The following RSPH14 variants were observed in gnomAD, a reference collection of about 807,000 sequenced individuals.
The protein encoded by RSPH14 is rhabdoid tumor deletion region gene 1.
A neutral mutation model predicts 26.7 loss-of-function variants in RSPH14; 20 were observed. The observed-to-expected ratio is 0.75, with a 90% confidence interval of 0.53 to 1.09. The LOEUF (loss-of-function observed/expected upper bound fraction) is 1.09, where lower values mean the gene tolerates loss of function less well. RSPH14 is among the 50% of genes least tolerant of loss of function. RSPH14 has a pLI of 0.00. For synonymous variants in RSPH14, 177 were observed against 189.3 expected, an observed-to-expected ratio of 0.93 and a Z score of 0.53; for missense variants, 449 against 457.2, an observed-to-expected ratio of 0.98 and a Z score of 0.16.
the RSPH14 span, among the ~76,000 whole-genome samples, chr22:23,173,381 G>A: frequency 4.8e-3 from 735 of 152,054 alleles, 5 homozygotes; most frequent in African/African-American, 0.017. Flanking sequence ...TGAGCCGCCC[G>A]CCTCGGCCTC....
rs1395338474 is a variant in RSPH14 at position 23,063,966 on chromosome 22, G to C, written c.589C>G (p.Gln197Glu). The C allele has an allele frequency of 6.2e-7, 1 of 1,614,196 alleles. No individual in the cohort carries two copies. The highest frequency in any genetic ancestry group is 1.1e-5 in the South Asian group (1 of 91,072). The part of the protein sequence containing the change: ...LGSNVVLVLK[Q>E]KLLSANQNIR... ...TTCTGGTTGGCGCTGAGGAGCTTCT[G>C]CTTCAGGACAAGCACCACATTGCTG... The change falls in exon 5 of 7, where the codon CAG becomes GAG. Residue 197 changes from glutamine (Q) to glutamate (E), a missense_variant. Coordinates refer to ENST00000216036, the MANE Select transcript of RSPH14 (RefSeq NM_014433.3).
Position 23,140,455 on chromosome 22 carries a change from C to A in RSPH14, c.-35G>T. The stretch of plus-strand genomic sequence containing the variant: ...ACTACAGAGGCCTTTCCAAATGAAG[C>A]TCTGCAGAAACCACTCACTAAAAGA... On this transcript the variant is annotated 5_prime_UTR_variant, in exon 2 of 7. Transcript: ENST00000216036. 1.9e-6 allele frequency: 3 copies of A among 1,609,386 alleles called. No individual in the cohort carries two copies. The highest frequency in any genetic ancestry group is 2.5e-6 in the Non-Finnish European group (3 of 1,177,662).
At chr22:23,110,246 A>G (rs1382850001) in intron 4 of RSPH14, among the ~76,000 whole-genome samples, 2 of 152,070 alleles carry the variant, frequency 1.3e-5, no homozygotes, top group African/African-American at 4.8e-5. Context: ...TTCCACATCT[A>G]GAATGGAAAT....
chr22:23,168,123 G>T, the RSPH14 span, among the ~76,000 whole-genome samples: 344 of 152,196 alleles, frequency 2.3e-3, 2 homozygotes, highest in Non-Finnish European at 3.3e-3. Context: ...TTCTGGCCCA[G>T]CCCTTTGCAT....
At chr22:23,174,806 TAAA>T in the RSPH14 span, among the ~76,000 whole-genome samples, 1 of 151,724 alleles carries the variant, frequency 6.6e-6, no homozygotes, top group African/African-American at 2.4e-5. Context: ...CCGTTTCTAC[TAAA>T]AATACAAAAT....
chr22:23,145,710 C>G (rs2070728502), upstream of RSPH14, among the ~76,000 whole-genome samples: 1 of 152,240 alleles, frequency 6.6e-6, no homozygotes, highest in African/African-American at 2.4e-5. Flanking sequence ...ATTTCCGGAG[C>G]GCAAACTCTG....
At chr22:23,157,600 C>A in the RSPH14 span, among the ~76,000 whole-genome samples, 2 of 152,200 alleles carry the variant, frequency 1.3e-5, no homozygotes, top group Non-Finnish European at 2.9e-5. Flanking sequence ...TTAATCCTCA[C>A]AGCAACCCTG....
At chr22:23,114,413 C>T (rs77529911) in intron 4 of RSPH14, among the ~76,000 whole-genome samples, 1,595 of 152,298 alleles carry the variant, frequency 0.01, 23 homozygotes, top group African/African-American at 0.035. Context: ...CCCAGCAATG[C>T]GGCTGCATCC....
At chr22:23,158,116 G>A in the RSPH14 span, 1 of 1,593,090 alleles carries the variant, frequency 6.3e-7, no homozygotes, top group Non-Finnish European at 8.6e-7. Flanking sequence ...CCCAGACCCT[G>A]GCCAGTGGAC....
intron 4 of RSPH14, among the ~76,000 whole-genome samples, chr22:23,076,440 C>T (rs1288067953): frequency 1.3e-5 from 2 of 152,208 alleles, no homozygotes; most frequent in African/African-American, 2.4e-5. Context: ...CGCTGCAGAA[C>T]CCCTGCTCCA....
the RSPH14 span, among the ~76,000 whole-genome samples, chr22:23,158,340 C>G: frequency 5.9e-5 from 9 of 152,218 alleles, no homozygotes; most frequent in Non-Finnish European, 1.5e-5. Flanking sequence ...GTTGCAAGTC[C>G]GGATACTTTT....
At chr22:23,066,198 A>C (rs2068208218) in intron 4 of RSPH14, among the ~76,000 whole-genome samples, 1 of 152,202 alleles carries the variant, frequency 6.6e-6, no homozygotes, top group Non-Finnish European at 1.5e-5. Flanking sequence ...GTTAATTTTC[A>C]AATCAGGGCT....
Position 23,141,846 on chromosome 22 carries a change from G to A in RSPH14, c.-53+103C>T, listed in dbSNP as rs114105083. On this transcript the variant is annotated intron_variant, in intron 1 of 6. Coordinates refer to ENST00000216036, the MANE Select transcript of RSPH14 (RefSeq NM_014433.3). The stretch of plus-strand genomic sequence containing the variant: ...TGGGAGAGTCCGGCCGGAGACAAAA[G>A]ACCGTGATTTTGAGTGTGGGGACAC... 715 of 405,926 alleles carry A rather than the reference G, an allele frequency of 1.8e-3. 7 individuals carry two copies. Among genetic ancestry groups the A allele is most frequent in the African/African-American group, 0.014 (669 of 46,224 alleles). 25.1% of individuals were successfully genotyped at this position (405,926 alleles called of 1,614,324 possible).
intron 4 of RSPH14, among the ~76,000 whole-genome samples, chr22:23,127,775 TCCCCTGAAC>T (rs1438004181): frequency 6.6e-6 from 1 of 152,138 alleles, no homozygotes; most frequent in African/African-American, 2.4e-5. Context: ...TCCAGGGATG[TCCCCTGAAC>T]CCCCAAATGA....
At chr22:23,092,600 C>T (rs1262477071) in intron 4 of RSPH14, among the ~76,000 whole-genome samples, 1 of 152,212 alleles carries the variant, frequency 6.6e-6, no homozygotes, top group Non-Finnish European at 1.5e-5. Flanking sequence ...TTTCCTTGCA[C>T]ATTGCCCTGT....
intron 4 of RSPH14, among the ~76,000 whole-genome samples, chr22:23,099,123 C>A (rs1403543963): frequency 6.6e-6 from 1 of 152,248 alleles, no homozygotes; most frequent in Non-Finnish European, 1.5e-5. Context: ...TCCCCACCCC[C>A]ACGCCTGGCG....
intron 4 of RSPH14, among the ~76,000 whole-genome samples, chr22:23,097,556 G>A (rs577816452): frequency 3.3e-5 from 5 of 152,370 alleles, no homozygotes; most frequent in Non-Finnish European, 7.3e-5. Context: ...GTGTGCCTGG[G>A]GGAAACGAAT....
upstream of RSPH14, among the ~76,000 whole-genome samples, chr22:23,149,474 G>A (rs553915442): frequency 1.6e-4 from 24 of 152,280 alleles, 1 homozygote; most frequent in African/African-American, 4.6e-4. Context: ...AGCAGAAAGC[G>A]CCTCCTAGGA....
At chr22:23,080,334 G>A (rs2068640389) in intron 4 of RSPH14, among the ~76,000 whole-genome samples, 1 of 152,186 alleles carries the variant, frequency 6.6e-6, no homozygotes. Flanking sequence ...GGACAGCACA[G>A]GGTTACAGGG....
Sources: gnomAD v4.1 joint callset for allele counts (sites outside exome capture counted in the v4.1 genomes callset) on GRCh38, gnomAD v4.1.1 for gene constraint, MANE v1.5 for transcripts, NCBI Gene and HGNC (gene_info 2026-07-23, HGNC 2026-07-21) for gene names.